The following SEMA3D variants were observed in gnomAD, a reference collection of about 807,000 sequenced individuals.
The protein encoded by SEMA3D is semaphorin 3D, also known as semaphorin-3D.
In SEMA3D, 84 loss-of-function variants were observed where a neutral mutation model predicts 100.1. That is an observed-to-expected ratio of 0.84 (90% CI 0.70 to 1.01). SEMA3D has a LOEUF of 1.01. SEMA3D is among the 50% of genes least tolerant of loss of function. The pLI is 0.00. For synonymous variants in SEMA3D, 312 were observed against 320.7 expected (o/e 0.97, Z 0.29); for missense variants, 875 against 934.1 (o/e 0.94, Z 0.82).
rs1378644182 is a variant in SEMA3D, at chr7:84,995,955, C to T, written c.*3485G>A. 6.6e-6 allele frequency: 1 copy of T among 151,272 alleles called. No homozygotes were observed. The highest frequency in any genetic ancestry group is 6.6e-5 in the Admixed American group (1 of 15,206). The allele number at this position is 151,272 out of a possible 1,614,324, so 9.4% of individuals were successfully genotyped here. ...ATTTACTATGATAAAAATACATCTC[C>T]TATAAAAACACTTCAAATATCTTTT... On this transcript the variant is annotated 3_prime_UTR_variant, in exon 19 of 19. Coordinates refer to ENST00000284136, the MANE Select transcript of SEMA3D (RefSeq NM_001384900.1).
intron 4 of SEMA3D, among the ~76,000 whole-genome samples, chr7:85,092,783 G>A (rs553675568): frequency 6.6e-6 from 1 of 152,066 alleles, no homozygotes; most frequent in South Asian, 2.1e-4. Flanking sequence ...AAACTTATAT[G>A]TTTTCAACAT....
At chr7:85,034,346 C>T (rs1025133461) in intron 12 of SEMA3D, among the ~76,000 whole-genome samples, 1 of 152,064 alleles carries the variant, frequency 6.6e-6, no homozygotes, top group African/African-American at 2.4e-5. Flanking sequence ...GTGGCTCACA[C>T]CTGTAATCCC....
At chr7:85,022,646 T>C in intron 12 of SEMA3D, 33 bp from the exon 13 acceptor site, 1 of 1,387,028 alleles carries the variant, frequency 7.2e-7, no homozygotes, top group African/African-American at 1.4e-5. Flanking sequence ...GTAAAGACAT[T>C]GTTTATGCAC....
intron 3 of SEMA3D, among the ~76,000 whole-genome samples, chr7:85,119,907 T>C (rs1303912074): frequency 1.3e-5 from 2 of 151,860 alleles, no homozygotes; most frequent in African/African-American, 2.4e-5. Flanking sequence ...TTGGCTCAGC[T>C]CACAAATTCC....
At chr7:85,026,873 G>A (rs1428520674) in intron 12 of SEMA3D, among the ~76,000 whole-genome samples, 6 of 151,988 alleles carry the variant, frequency 3.9e-5, no homozygotes, top group African/African-American at 1.4e-4. Context: ...TAGCTAAAAA[G>A]TTTTGAACTT....
chr7:85,066,214 G>C (rs1791614957), intron 7 of SEMA3D, among the ~76,000 whole-genome samples: 1 of 152,030 alleles, frequency 6.6e-6, no homozygotes, highest in Non-Finnish European at 1.5e-5. Flanking sequence ...AGACAGAAAG[G>C]AGCAAAAGAG....
chr7:85,061,008 G>C (rs1027228911), intron 8 of SEMA3D, among the ~76,000 whole-genome samples: 2 of 152,070 alleles, frequency 1.3e-5, no homozygotes. Flanking sequence ...TGTAACAAAA[G>C]CTCAACTGCA....
At chr7:85,059,514 C>T (rs530667002) in intron 8 of SEMA3D, among the ~76,000 whole-genome samples, 25 of 152,148 alleles carry the variant, frequency 1.6e-4, no homozygotes, top group African/African-American at 5.8e-4. Context: ...AGCATGATGT[C>T]CCTTGAAATT....
rs1022207974 is a variant in SEMA3D at position 85,055,807 on chromosome 7, A to G, written c.771T>C (p.Asp257=). The G allele has an allele frequency of 1.3e-6, 2 of 1,576,324 alleles. No individual in the cohort carries two copies. Among genetic ancestry groups the G allele is most frequent in the Admixed American group, 1.7e-5 (1 of 59,172 alleles). ...FFIPDTYNPD[D]DKIYFFFRES... is the part of the protein sequence containing the mutation. ...CACGAAAGAAGAAATATATTTTATC[A>G]TCATCTGGATTGTAGGTGTCTGGTA... Residue 257 remains aspartate (D), a synonymous_variant, in exon 9 of 19, where the codon GAT becomes GAC. Transcript: ENST00000284136.
intron 9 of SEMA3D, among the ~76,000 whole-genome samples, chr7:85,047,759 A>C (rs1322864735): frequency 6.6e-6 from 1 of 151,876 alleles, no homozygotes; most frequent in East Asian, 1.9e-4. Flanking sequence ...ATCAATAGAA[A>C]CTGGATAATG....
the SEMA3D span, among the ~76,000 whole-genome samples, chr7:85,230,846 A>G: frequency 1.3e-5 from 2 of 150,112 alleles, no homozygotes; most frequent in African/African-American, 5.1e-5. Context: ...AACATAATGG[A>G]GTAATTTCTA....
intron 3 of SEMA3D, among the ~76,000 whole-genome samples, chr7:85,110,103 T>C (rs535279926): frequency 6.6e-6 from 1 of 151,946 alleles, no homozygotes; most frequent in Non-Finnish European, 1.5e-5. Flanking sequence ...CTGTAGCCCT[T>C]AGTGATTTTT....
Position 84,996,281 on chromosome 7 carries a change from G to C in SEMA3D, c.*3159C>G, listed in dbSNP as rs1243381298. ...TTAGCTGAGTCTGTAAAATTCAGCA[G>C]GAACAAAACATACTAGAATATGAAG... is the stretch of plus-strand genomic sequence containing the variant. On this transcript the variant is annotated 3_prime_UTR_variant, in exon 19 of 19. Transcript: ENST00000284136. 6.6e-6 allele frequency: 1 copy of C among 151,844 alleles called. No homozygotes were observed. Among genetic ancestry groups the C allele is most frequent in the Admixed American group, 6.6e-5 (1 of 15,252 alleles). The allele number at this position is 151,844 out of a possible 1,614,324, so 9.4% of individuals were successfully genotyped here. A position where few individuals can be genotyped will look rare whatever the true frequency, so the allele number is the denominator to read the frequency against.
chr7:85,044,750 T>A (rs1041401579), intron 9 of SEMA3D, among the ~76,000 whole-genome samples: 2 of 152,144 alleles, frequency 1.3e-5, no homozygotes, highest in Non-Finnish European at 2.9e-5. Context: ...AACCACAGTT[T>A]AAAATCTAGA....
rs760958817 is a variant in SEMA3D at position 85,055,893 on chromosome 7, AC to A, written c.719-35del. The A allele has an allele frequency of 4.9e-5, 62 of 1,255,632 alleles. 1 individual carries two copies. Among genetic ancestry groups the A allele is most frequent in the Middle Eastern group, 4.5e-4 (2 of 4,398 alleles). 77.8% of individuals were successfully genotyped at this position (1,255,632 alleles called of 1,614,324 possible). On this transcript the variant is annotated intron_variant, in intron 8 of 18. Transcript: ENST00000284136. ...AAGAAAAGAAGCTATAAATTAAGAT[AC>A]TGAAACAATCCAGTCATCATAGTTT...
intron 3 of SEMA3D, among the ~76,000 whole-genome samples, chr7:85,119,524 T>C (rs566353606): frequency 6.6e-6 from 1 of 152,202 alleles, no homozygotes; most frequent in East Asian, 1.9e-4. Flanking sequence ...GAAAAAATAC[T>C]GCATACTCTC....
At chr7:85,075,593 G>A (rs73377880) in intron 5 of SEMA3D, among the ~76,000 whole-genome samples, 2,162 of 152,060 alleles carry the variant, frequency 0.014, 57 homozygotes, top group African/African-American at 0.049. Flanking sequence ...CTGTCTGATT[G>A]GGCTGACATG....
the SEMA3D span, among the ~76,000 whole-genome samples, chr7:85,225,051 TA>T: frequency 0.089 from 190 of 2,136 alleles, 2 homozygotes; most frequent in South Asian, 0.16. Flanking sequence ...GATTTTCTTT[TA>T]TATATATATA....
At chr7:85,047,024 A>C (rs532009726) in intron 9 of SEMA3D, among the ~76,000 whole-genome samples, 1 of 152,080 alleles carries the variant, frequency 6.6e-6, no homozygotes, top group Non-Finnish European at 1.5e-5. Flanking sequence ...ATGCAGATGA[A>C]AGTAACAAAG....
Sources: gnomAD v4.1 joint callset for allele counts (sites outside exome capture counted in the v4.1 genomes callset) on GRCh38, gnomAD v4.1.1 for gene constraint, MANE v1.5 for transcripts, NCBI Gene and HGNC (gene_info 2026-07-23, HGNC 2026-07-21) for gene names.